TMEM131L: variants seen among roughly 807,000 people sequenced by gnomAD.
TMEM131L encodes the protein transmembrane 131 like.
Under a neutral mutation model 192.2 loss-of-function variants are expected in TMEM131L, and 54 were observed. The ratio of observed to expected loss-of-function variants is 0.28; its 90% CI spans 0.23 to 0.35. TMEM131L has a LOEUF of 0.35. Ranked by LOEUF, TMEM131L falls within the 10% of genes least tolerant of loss-of-function variation. The pLI is 1.00. For synonymous variants in TMEM131L, 701 were observed against 704.9 expected, an observed-to-expected ratio of 0.99 and a Z score of 0.09; for missense variants, 1,888 against 1,972.9, an observed-to-expected ratio of 0.96 and a Z score of 0.82.
chr4:153,550,425 T>C (rs971887486), intron 4 of TMEM131L, among the ~76,000 whole-genome samples: 38 of 152,176 alleles, frequency 2.5e-4, no homozygotes, highest in East Asian at 3.9e-4. Context: ...CTCCCGGGTT[T>C]ACGCCATTCT....
chr4:153,560,006 A>G (rs1728745046), intron 7 of TMEM131L, among the ~76,000 whole-genome samples: 1 of 151,210 alleles, frequency 6.6e-6, no homozygotes, highest in Non-Finnish European at 1.5e-5. Context: ...AATGTTCTCA[A>G]CCTCCACCTC....
In TMEM131L at chr4:153,622,899, A is replaced by G. The variant is rs769367124; in HGVS notation, c.3861A>G (p.Glu1287=). Residue 1287 remains glutamate, a splice_region_variant and synonymous_variant, in exon 29 of 35, where the codon GAA becomes GAG. Transcript: ENST00000409959. ...CATGACTCCTTTCACTTCCTCCAGAAGGTTACTACCAGAAGCCTGAGAAGA... is the reference window on the plus strand; with the variant it reads ...CATGACTCCTTTCACTTCCTCCAGAGGGTTACTACCAGAAGCCTGAGAAGA... ...SSLPAAQREA[E]GYYQKPEKKC... is the part of the protein sequence containing the mutation. The G allele has an allele frequency of 2.5e-6, 4 of 1,614,160 alleles. No individual in the cohort carries two copies. Among genetic ancestry groups the G allele is most frequent in the Non-Finnish European group, 3.4e-6 (4 of 1,180,004 alleles).
At position 153,635,459 on chromosome 4, in the gene TMEM131L, C is replaced by T. The variant is rs1408320019; in HGVS notation, c.4445C>T (p.Pro1482Leu). 9.3e-6 allele frequency: 15 copies of T among 1,613,846 alleles called. No homozygotes were observed. The highest frequency in any genetic ancestry group is 1.3e-5 in the Non-Finnish European group (15 of 1,179,838). Reference protein sequence around the residue: ...EENMNYANGFPCPADVQTDFI... With the variant: ...EENMNYANGFLCPADVQTDFI... The stretch of plus-strand genomic sequence containing the variant: ...AACATGAACTATGCCAATGGCTTCC[C>T]CTGTCCTGCAGATGTTCAGACAGAC... The change falls in exon 34 of 35, where the codon CCC becomes CTC. Residue 1482 changes from proline to leucine, a missense_variant. Transcript: ENST00000409959.
In TMEM131L at chr4:153,585,471, G is replaced by C; in HGVS notation, c.1171G>C (p.Asp391His). 6.2e-7 allele frequency: 1 copy of C among 1,614,014 alleles called. No individual in the cohort carries two copies. Among genetic ancestry groups the C allele is most frequent in the Non-Finnish European group, 8.5e-7 (1 of 1,179,976 alleles). The part of the protein sequence containing the change: ...SSVAQGYFRM[D>H]SSATQFHIET... ...GTCTGTTCACAGGTATTTTAGAATGGACTCTTCTGCAACCCAGTTTCACAT... is the reference window on the plus strand; with the variant it reads ...GTCTGTTCACAGGTATTTTAGAATGCACTCTTCTGCAACCCAGTTTCACAT... The change falls in exon 13 of 35, where the codon GAC becomes CAC. Residue 391 changes from aspartate (D) to histidine (H), a missense_variant. Asp to His is a moderately conservative substitution (Grantham distance 81). Coordinates refer to ENST00000409959, the MANE Select transcript of TMEM131L (RefSeq NM_001131007.2).
At chr4:153,564,674 G>A (rs993166850) in intron 7 of TMEM131L, among the ~76,000 whole-genome samples, 8 of 152,102 alleles carry the variant, frequency 5.3e-5, no homozygotes, top group African/African-American at 1.9e-4. Context: ...TCCTTTTGTT[G>A]CATTCTTCTT....
chr4:153,571,246 G>C (rs948916445), intron 7 of TMEM131L, among the ~76,000 whole-genome samples: 1 of 152,096 alleles, frequency 6.6e-6, no homozygotes, highest in Admixed American at 6.5e-5. Context: ...GCCCAGGCTC[G>C]GTTTATCTTG....
intron 3 of TMEM131L, among the ~76,000 whole-genome samples, chr4:153,492,771 T>A (rs1271303936): frequency 5.9e-5 from 9 of 152,268 alleles, no homozygotes; most frequent in South Asian, 4.1e-4. Flanking sequence ...GTGTTTTTTT[T>A]AACTTATATA....
At chr4:153,473,783 C>T (rs1731328431) in intron 2 of TMEM131L, 62 bp from the exon 3 acceptor site, 2 of 1,395,242 alleles carry the variant, frequency 1.4e-6, no homozygotes, top group Admixed American at 2.1e-5. Flanking sequence ...CAGAGCGAGA[C>T]TCTGTCTCAA....
At chr4:153,613,621 T>C (rs1156522232) in intron 26 of TMEM131L, among the ~76,000 whole-genome samples, 1 of 152,206 alleles carries the variant, frequency 6.6e-6, no homozygotes, top group Non-Finnish European at 1.5e-5. Flanking sequence ...TTTTCTTATG[T>C]TAAATTTATA....
intron 3 of TMEM131L, among the ~76,000 whole-genome samples, chr4:153,515,479 T>C (rs887601456): frequency 1.3e-5 from 2 of 152,250 alleles, no homozygotes; most frequent in Admixed American, 1.3e-4. Flanking sequence ...ATTTTATTCA[T>C]CATTTGTACA....
chr4:153,607,571 A>T (rs1678942731), intron 25 of TMEM131L, among the ~76,000 whole-genome samples: 1 of 152,218 alleles, frequency 6.6e-6, no homozygotes, highest in South Asian at 2.1e-4. Flanking sequence ...AATGGTCTGT[A>T]GAAACCATTC....
intron 7 of TMEM131L, chr4:153,558,747 A>G (rs1476904051): frequency 1.3e-5 from 2 of 154,036 alleles, no homozygotes; most frequent in African/African-American, 4.8e-5. Flanking sequence ...GAGCTTGTTA[A>G]ATCTTACCAG....
intron 4 of TMEM131L, among the ~76,000 whole-genome samples, chr4:153,554,684 G>A (rs1029556499): frequency 2.6e-5 from 4 of 152,074 alleles, no homozygotes; most frequent in African/African-American, 4.8e-5. Flanking sequence ...TAGGCCATCC[G>A]AATGACAGCT....
At chr4:153,627,582 C>A in intron 30 of TMEM131L, 23 bp from the exon 31 acceptor site, 1 of 1,594,760 alleles carries the variant, frequency 6.3e-7, no homozygotes, top group Non-Finnish European at 8.6e-7. Context: ...TGAGTCGTTC[C>A]TCCTTTGCCC....
intron 3 of TMEM131L, among the ~76,000 whole-genome samples, chr4:153,525,363 TG>T (rs1209539086): frequency 6.6e-6 from 1 of 152,180 alleles, no homozygotes; most frequent in African/African-American, 2.4e-5. Context: ...TTTTTGAGAC[TG>T]GATCTCACTC....
intron 3 of TMEM131L, among the ~76,000 whole-genome samples, chr4:153,500,527 A>G (rs1733528296): frequency 6.6e-6 from 1 of 152,212 alleles, no homozygotes; most frequent in African/African-American, 2.4e-5. Context: ...ATTTTAATGA[A>G]GCCCAAGATT....
intron 34 of TMEM131L, among the ~76,000 whole-genome samples, chr4:153,635,795 C>T (rs917420899): frequency 6.6e-6 from 1 of 152,146 alleles, no homozygotes; most frequent in Non-Finnish European, 1.5e-5. Flanking sequence ...TTCTGGCCAC[C>T]CCAAATGAAA....
At chr4:153,522,772 C>T (rs1001611149) in intron 3 of TMEM131L, among the ~76,000 whole-genome samples, 7 of 152,232 alleles carry the variant, frequency 4.6e-5, no homozygotes, top group African/African-American at 1.7e-4. Flanking sequence ...TCGTGTGCCA[C>T]AGCCCATTTC....
At chr4:153,488,050 G>T (rs1732484087) in intron 3 of TMEM131L, among the ~76,000 whole-genome samples, 1 of 150,382 alleles carries the variant, frequency 6.6e-6, no homozygotes, top group Non-Finnish European at 1.5e-5. Context: ...GTGTGTGTGT[G>T]TATGTGTGCA....
Sources: allele counts gnomAD v4.1 joint callset (sites outside exome capture counted in the v4.1 genomes callset), GRCh38; gene constraint gnomAD v4.1.1; transcripts MANE v1.5; gene names NCBI Gene and HGNC (gene_info 2026-07-23, HGNC 2026-07-21).